The following MED27 variants were observed in gnomAD, a reference collection of about 807,000 sequenced individuals.
The protein encoded by MED27 is mediator complex subunit 27, also known as mediator of RNA polymerase II transcription subunit 27.
MED27 carries 30 observed loss-of-function variants against 38.2 expected under a neutral mutation model. That is an observed-to-expected ratio of 0.79 (90% CI 0.59 to 1.07). The LOEUF (loss-of-function observed/expected upper bound fraction) is 1.07. Ranked by LOEUF, MED27 falls within the 50% of genes least tolerant of loss-of-function variation. The pLI, the probability that MED27 is intolerant of heterozygous loss-of-function variation, is 0.00. For synonymous variants in MED27, 122 were observed against 153.5 expected, an observed-to-expected ratio of 0.79 and a Z score of 1.52; for missense variants, 289 against 397.5, an observed-to-expected ratio of 0.73 and a Z score of 2.32.
intron 4 of MED27, among the ~76,000 whole-genome samples, chr9:131,899,753 C>T (rs1399430641): frequency 6.6e-6 from 1 of 152,218 alleles, no homozygotes; most frequent in African/African-American, 2.4e-5. Flanking sequence ...TTCCAGCCCT[C>T]ACATCGCTCT....
intron 4 of MED27, among the ~76,000 whole-genome samples, chr9:131,898,745 C>T (rs761529649): frequency 2.6e-5 from 4 of 151,908 alleles, no homozygotes; most frequent in Non-Finnish European, 4.4e-5. Flanking sequence ...CCACCACGCC[C>T]GGCTAATTTT....
chr9:132,079,692 G>A lies in MED27; in HGVS notation c.153C>T (p.Ala51=), dbSNP rs1245168318. The A allele has an allele frequency of 1.2e-6, 2 of 1,613,174 alleles. No individual in the cohort carries two copies. Among genetic ancestry groups the A allele is most frequent in the South Asian group, 2.2e-5 (2 of 91,032 alleles). ...NKETLEGREK[A]FIAHFQDNLH... is the part of the protein sequence containing the mutation. ...AGTTGTCCTGGAAGTGCGCAATAAA[G>A]GCCTTCTCCCGGCCCTCCAGCGTCT... The change falls in exon 1 of 8, where the codon GCC becomes GCT. Residue 51 remains alanine, a synonymous_variant. Transcript: ENST00000292035.
In MED27 at chr9:131,862,567, G is replaced by C. The variant is rs982067284; in HGVS notation, c.801+496C>G. On this transcript the variant is annotated intron_variant, in intron 7 of 7. Coordinates refer to ENST00000292035, the MANE Select transcript of MED27 (RefSeq NM_004269.4). The surrounding 1 kb of genome is among the most constrained non-coding windows in gnomAD (Gnocchi z 4.6). Reference sequence around the variant, plus strand: ...CCAAGTTTGATTTCAAACTAGTAGTGGTTGAAGAACCAGCTCGCAAGATAC... The same window carrying C: ...CCAAGTTTGATTTCAAACTAGTAGTCGTTGAAGAACCAGCTCGCAAGATAC... Among the ~76,000 whole-genome samples the C allele has an allele frequency of 2.0e-5, 3 of 152,220 alleles. No homozygotes were observed. The highest frequency in any genetic ancestry group is 7.2e-5 in the African/African-American group (3 of 41,458).
chr9:132,008,385 A>T (rs115249196), intron 3 of MED27, among the ~76,000 whole-genome samples: 4,443 of 152,314 alleles, frequency 0.029, 211 homozygotes, highest in African/African-American at 0.096. Context: ...ACAGCCTCTC[A>T]GCCTCTTTAC....
intron 3 of MED27, among the ~76,000 whole-genome samples, chr9:131,984,392 C>G (rs2131032180): frequency 6.6e-6 from 1 of 152,300 alleles, no homozygotes; most frequent in East Asian, 1.9e-4. Flanking sequence ...AGCAGGCACT[C>G]AGATGACTAT....
At chr9:131,956,082 AC>A (rs1831090610) in intron 3 of MED27, among the ~76,000 whole-genome samples, 1 of 152,210 alleles carries the variant, frequency 6.6e-6, no homozygotes, top group Non-Finnish European at 1.5e-5. Flanking sequence ...TCAAAAATCA[AC>A]CCATGCTGTG....
intron 6 of MED27, among the ~76,000 whole-genome samples, chr9:131,871,698 C>T (rs1838837685): frequency 6.6e-6 from 1 of 152,122 alleles, no homozygotes; most frequent in African/African-American, 2.4e-5. Context: ...TACAGACACA[C>T]ACCCCCACGC....
chr9:132,022,943 C>A (rs1206538108), intron 2 of MED27, among the ~76,000 whole-genome samples: 2 of 152,154 alleles, frequency 1.3e-5, no homozygotes, highest in Non-Finnish European at 2.9e-5. Flanking sequence ...CCTCCCTCAA[C>A]ACCTGGGGAT....
chr9:131,877,602 A>C (rs1838959400), intron 6 of MED27, among the ~76,000 whole-genome samples: 1 of 152,100 alleles, frequency 6.6e-6, no homozygotes, highest in Non-Finnish European at 1.5e-5. Context: ...CAATGTAATG[A>C]CTGTTTATGG....
At chr9:131,960,089 A>G (rs1482090800) in intron 3 of MED27, among the ~76,000 whole-genome samples, 1 of 152,228 alleles carries the variant, frequency 6.6e-6, no homozygotes, top group East Asian at 1.9e-4. Flanking sequence ...CTCAGAGGGC[A>G]TGTGTAATTA....
chr9:131,995,907 G>A (rs1027970246), intron 3 of MED27, among the ~76,000 whole-genome samples: 3 of 152,150 alleles, frequency 2.0e-5, no homozygotes, highest in African/African-American at 7.2e-5. Context: ...TTGGGTCTGG[G>A]AGTCAAGGGG....
intron 1 of MED27, among the ~76,000 whole-genome samples, 174 bp downstream of exon 1, chr9:132,079,468 G>T (rs1366891725): frequency 1.3e-5 from 2 of 152,172 alleles, no homozygotes; most frequent in Non-Finnish European, 2.9e-5. Flanking sequence ...CGAGAAAGCG[G>T]GGATGGTGTT....
At chr9:132,004,838 C>A (rs1006486861) in intron 3 of MED27, among the ~76,000 whole-genome samples, 1 of 152,226 alleles carries the variant, frequency 6.6e-6, no homozygotes, top group Non-Finnish European at 1.5e-5. Context: ...GTGAGCAGCA[C>A]ACAGAGGAAC....
chr9:132,015,724 C>A (rs916552815), intron 2 of MED27, among the ~76,000 whole-genome samples: 1 of 152,182 alleles, frequency 6.6e-6, no homozygotes, highest in Non-Finnish European at 1.5e-5. Context: ...TGACGTGTGA[C>A]AATAACTTTT....
At chr9:131,987,984 A>G (rs1418155361) in intron 3 of MED27, among the ~76,000 whole-genome samples, 3 of 152,210 alleles carry the variant, frequency 2.0e-5, no homozygotes, top group Admixed American at 1.3e-4. Flanking sequence ...TGAAAAAGCC[A>G]CAGTCTGTGT....
intron 6 of MED27, among the ~76,000 whole-genome samples, chr9:131,881,253 T>C (rs1465944299): frequency 6.6e-6 from 1 of 152,244 alleles, no homozygotes; most frequent in East Asian, 1.9e-4. Flanking sequence ...ACGGAAAACG[T>C]TAGCATTGAA....
intron 4 of MED27, among the ~76,000 whole-genome samples, chr9:131,920,735 G>A (rs1312516508): frequency 6.6e-6 from 1 of 152,134 alleles, no homozygotes; most frequent in Non-Finnish European, 1.5e-5. Flanking sequence ...ATGGGGGCCT[G>A]GGGAAACCTT....
intron 2 of MED27, among the ~76,000 whole-genome samples, chr9:132,028,270 G>A (rs1589275321): frequency 1.3e-5 from 2 of 152,104 alleles, no homozygotes; most frequent in East Asian, 3.9e-4. Flanking sequence ...AGGAGCTGGG[G>A]GTGCTTTCTA....
chr9:131,981,807 G>A lies in MED27; in HGVS notation c.479+32530C>T, dbSNP rs377639102. Among the ~76,000 whole-genome samples the A allele has an allele frequency of 1.2e-4, 19 of 152,280 alleles. No homozygotes were observed. In the South Asian group the frequency reaches 2.3e-3, roughly 18 times the overall value. On this transcript the variant is annotated intron_variant, in intron 3 of 7. Coordinates refer to ENST00000292035, the MANE Select transcript of MED27 (RefSeq NM_004269.4). ...GGCACACGGCGGCCAAGGAGGCAAC[G>A]CACTCTCTAACAAAAACAGTCCTCC...
Sources: gnomAD v4.1 joint callset for allele counts (sites outside exome capture counted in the v4.1 genomes callset) on GRCh38, gnomAD v4.1.1 for gene constraint, Gnocchi (gnomAD v3.1) non-coding constraint, MANE v1.5 for transcripts, NCBI Gene and HGNC (gene_info 2026-07-23, HGNC 2026-07-21) for gene names.